The following ZNF106 variants were observed in gnomAD, a reference collection of about 807,000 sequenced individuals.
ZNF106 encodes zinc finger protein 106, also known as SH3-domain binding protein 3.
In ZNF106, 67 loss-of-function variants were observed where a neutral mutation model predicts 195.1. The ratio of observed to expected loss-of-function variants is 0.34; its 90% CI spans 0.28 to 0.42. The LOEUF (loss-of-function observed/expected upper bound fraction) is 0.42. Ranked by LOEUF, ZNF106 falls within the 10% of genes least tolerant of loss-of-function variation. The pLI is 1.00. For missense variants in ZNF106, 2,118 were observed against 2,304.5 expected (o/e 0.92, Z 1.66); for synonymous variants, 784 against 818.6 (o/e 0.96, Z 0.72).
In ZNF106 at chr15:42,444,900, T is replaced by C; in HGVS notation, c.3287A>G (p.Asn1096Ser). 6.2e-7 allele frequency: 1 copy of C among 1,614,196 alleles called. No individual in the cohort carries two copies. Among genetic ancestry groups the C allele is most frequent in the East Asian group, 2.2e-5 (1 of 44,888 alleles). Reference protein sequence around the residue: ...LSKSLQCMDNNLLQARAALQT... With the variant: ...LSKSLQCMDNSLLQARAALQT... ...AAGGGCTGCACGGGCTTGCAGAAGA[T>C]TGTTATCCATGCACTGCAATGACTT... The change falls in exon 8 of 22, where the codon AAT (asparagine) becomes AGT (serine). Residue 1096 changes from asparagine to serine, a missense_variant. Physicochemically the swap from Asn to Ser is conservative, Grantham distance 46. Transcript: ENST00000564754.
intron 10 of ZNF106, among the ~76,000 whole-genome samples, chr15:42,440,645 T>TA (rs139082107): frequency 0.1 from 15,641 of 151,980 alleles, 938 homozygotes; most frequent in Non-Finnish European, 0.14. Flanking sequence ...TCCATAAATA[T>TA]ATACACCTAC....
Position 42,435,381 on chromosome 15 carries a change from T to C in ZNF106, c.4881+3A>G. On this transcript the variant is annotated splice_donor_region_variant and intron_variant, in intron 14 of 21. Transcript: ENST00000564754. Reference sequence around the variant, plus strand: ...CACTTTGGATTTCTCTGGACCCACCTACCTTAACATTATAGCAGCGGATGG... The same window carrying C: ...CACTTTGGATTTCTCTGGACCCACCCACCTTAACATTATAGCAGCGGATGG... 1 of 1,614,182 alleles carries C rather than the reference T, an allele frequency of 6.2e-7. No individual in the cohort carries two copies. Among genetic ancestry groups the C allele is most frequent in the Non-Finnish European group, 8.5e-7 (1 of 1,180,022 alleles).
rs1021225067 is a variant in ZNF106 at position 42,414,213 on chromosome 15, CAG to C, written c.*3089_*3090del. The C allele has an allele frequency of 3.3e-5, 5 of 152,198 alleles. No individual in the cohort carries two copies. Among genetic ancestry groups the C allele is most frequent in the East Asian group, 1.9e-4 (1 of 5,180 alleles). The allele number at this position is 152,198 out of a possible 1,614,324, so 9.4% of individuals were successfully genotyped here. On this transcript the variant is annotated 3_prime_UTR_variant, in exon 22 of 22. Transcript: ENST00000564754. ...GCCATAGCTCTTCTCTGAGGGGAAA[CAG>C]GGTTATAATCAGTCACAACATTGTG...
chr15:42,482,530 T>TTTTG (rs2056923905), intron 1 of ZNF106, among the ~76,000 whole-genome samples: 2 of 137,578 alleles, frequency 1.5e-5, no homozygotes, highest in African/African-American at 2.8e-5. Flanking sequence ...CAGTTTTTTT[T>TTTTG]TTTTTTTTTT....
chr15:42,455,385 T>C (rs527748387), intron 4 of ZNF106, among the ~76,000 whole-genome samples: 5 of 152,346 alleles, frequency 3.3e-5, no homozygotes, highest in Admixed American at 1.3e-4. Flanking sequence ...TTGAATAATT[T>C]TGTAAAATGA....
chr15:42,432,167 A>AT (rs1258654207), intron 14 of ZNF106, among the ~76,000 whole-genome samples: 1 of 151,696 alleles, frequency 6.6e-6, no homozygotes, highest in African/African-American at 2.4e-5. Flanking sequence ...TGTCTTTTTC[A>AT]TTTTTTAAAG....
In ZNF106 at chr15:42,451,514, C is replaced by T. The variant is rs769012043; in HGVS notation, c.758G>A (p.Arg253His). 6.2e-5 allele frequency: 100 copies of T among 1,614,068 alleles called. 1 individual carries two copies. The South Asian group carries it at 1.0e-3, about 16-fold the overall frequency. ...NSNGNWKSSV[R>H]STNNWNYSGP... ...ACTGTAATTCCAATTATTTGTACTA[C>T]GTACACTGGATTTCCAGTTTCCGTT... Residue 253 changes from arginine (R) to histidine (H), a missense_variant, in exon 5 of 22, where the codon CGT (arginine) becomes CAT (histidine). Coordinates refer to ENST00000564754, the MANE Select transcript of ZNF106 (RefSeq NM_001366845.3).
Position 42,422,627 on chromosome 15 carries a change from C to T in ZNF106, c.5254-7G>A, listed in dbSNP as rs770247368. 1.9e-6 allele frequency: 3 copies of T among 1,602,430 alleles called. No homozygotes were observed. Among genetic ancestry groups the T allele is most frequent in the East Asian group, 2.2e-5 (1 of 44,706 alleles). On this transcript the variant is annotated splice_polypyrimidine_tract_variant and splice_region_variant and intron_variant, in intron 17 of 21. Coordinates refer to ENST00000564754, the MANE Select transcript of ZNF106 (RefSeq NM_001366845.3). ...TCCGCACGAGCTCACCAGTCTATGT[C>T]AGAAGAGAAGTAAGAGTCACCAGAC...
At chr15:42,472,677 G>A (rs1026535513) in intron 1 of ZNF106, among the ~76,000 whole-genome samples, 1 of 152,136 alleles carries the variant, frequency 6.6e-6, no homozygotes. Flanking sequence ...ACAGTGTTTT[G>A]AGAGTAGCCA....
Position 42,451,923 on chromosome 15 carries a change from T to A in ZNF106, c.349A>T (p.Ile117Leu), listed in dbSNP as rs2056047184. ...QDEPSNSNQEINSDDRRPQWR... is the reference protein window; with the variant it reads ...QDEPSNSNQELNSDDRRPQWR... Reference sequence around the variant, plus strand: ...TGGGGTCGTCTGTCATCAGAGTTTATTTCTTGGTTGCTATTGGAAGGTTCA... The same window carrying A: ...TGGGGTCGTCTGTCATCAGAGTTTAATTCTTGGTTGCTATTGGAAGGTTCA... The change falls in exon 5 of 22, where the codon ATA becomes TTA. Residue 117 changes from isoleucine (I) to leucine (L), a missense_variant. Ile to Leu is a conservative substitution (Grantham distance 5). Transcript: ENST00000564754. 3.0e-5 allele frequency: 48 copies of A among 1,612,642 alleles called. No individual in the cohort carries two copies. The highest frequency in any genetic ancestry group is 3.9e-5 in the Non-Finnish European group (46 of 1,179,478).
Position 42,442,346 on chromosome 15 carries a change from T to C in ZNF106, c.3490A>G (p.Arg1164Gly). Reference protein sequence around the residue: ...CSLTRERRNSRSQTSIDAALL... With the variant: ...CSLTRERRNSGSQTSIDAALL... ...GCGGCATCAATGGATGTTTGAGATCTACTGTTCCTTCGTTCTCGTGTGAGG... is the reference window on the plus strand; with the variant it reads ...GCGGCATCAATGGATGTTTGAGATCCACTGTTCCTTCGTTCTCGTGTGAGG... Residue 1164 changes from arginine (R) to glycine (G), a missense_variant, in exon 10 of 22, where the codon AGA (arginine) becomes GGA (glycine). Physicochemically the swap from Arg to Gly is moderately radical, Grantham distance 125. Coordinates refer to ENST00000564754, the MANE Select transcript of ZNF106 (RefSeq NM_001366845.3). 2 of 1,614,234 alleles carry C rather than the reference T, an allele frequency of 1.2e-6. No homozygotes were observed. The highest frequency in any genetic ancestry group is 1.7e-6 in the Non-Finnish European group (2 of 1,180,036).
chr15:42,468,402 T>C (rs1311506645), intron 2 of ZNF106, among the ~76,000 whole-genome samples: 2 of 151,736 alleles, frequency 1.3e-5, no homozygotes, highest in African/African-American at 4.8e-5. Flanking sequence ...AAATGGCAAT[T>C]TTACTGAAGA....
chr15:42,431,449 G>A (rs1255581907), intron 14 of ZNF106, among the ~76,000 whole-genome samples: 1 of 148,186 alleles, frequency 6.7e-6, no homozygotes, highest in African/African-American at 2.5e-5. Context: ...CTGGAGTACA[G>A]TGGTGCAAAT....
intron 1 of ZNF106, among the ~76,000 whole-genome samples, chr15:42,480,401 T>C (rs1266632962): frequency 3.9e-5 from 6 of 152,228 alleles, no homozygotes. Flanking sequence ...GTATGATCTT[T>C]TTCCATGCAT....
At chr15:42,459,428 A>C (rs1384799489) in intron 3 of ZNF106, among the ~76,000 whole-genome samples, 2 of 152,124 alleles carry the variant, frequency 1.3e-5, no homozygotes, top group Non-Finnish European at 2.9e-5. Flanking sequence ...GTAAGCTGAG[A>C]TCGCACCACT....
intron 14 of ZNF106, 40 bp downstream of exon 14, chr15:42,435,344 C>T: frequency 6.2e-7 from 1 of 1,613,136 alleles, no homozygotes; most frequent in Non-Finnish European, 8.5e-7. Flanking sequence ...ACAAAGGCGA[C>T]TCAATATGAA....
At chr15:42,477,557 A>G (rs1226019214) in intron 1 of ZNF106, among the ~76,000 whole-genome samples, 1 of 152,224 alleles carries the variant, frequency 6.6e-6, no homozygotes, top group African/African-American at 2.4e-5. Context: ...TAGGCTGATC[A>G]ACACAGCAAA....
chr15:42,424,104 T>C, intron 16 of ZNF106, 44 bp from the exon 17 acceptor site: 1 of 1,544,052 alleles, frequency 6.5e-7, no homozygotes, highest in Non-Finnish European at 8.8e-7. Flanking sequence ...ATACGGTTCT[T>C]AATTTTCTCT....
intron 1 of ZNF106, among the ~76,000 whole-genome samples, chr15:42,489,535 C>T (rs937222779): frequency 2.0e-5 from 3 of 152,160 alleles, no homozygotes; most frequent in African/African-American, 7.2e-5. Flanking sequence ...AATTAAAGGG[C>T]TCCTACTATC....
Sources: allele counts gnomAD v4.1 joint callset (sites outside exome capture counted in the v4.1 genomes callset), GRCh38; gene constraint gnomAD v4.1.1; transcripts MANE v1.5; gene names NCBI Gene and HGNC (gene_info 2026-07-23, HGNC 2026-07-21).